Variants in NFAM1 observed in about 807,000 individuals in gnomAD.
The protein encoded by NFAM1 is NFAT activating protein with ITAM motif 1, also known as NFAT activation molecule 1.
Under a neutral mutation model 29.0 loss-of-function variants are expected in NFAM1, and 17 were observed. That is an observed-to-expected ratio of 0.59 (90% CI 0.40 to 0.88). The LOEUF (loss-of-function observed/expected upper bound fraction) is 0.88. Among genes scored for constraint, NFAM1 ranks in the 40% least tolerant of loss-of-function variants. The pLI, the probability that NFAM1 is intolerant of heterozygous loss-of-function variation, is 0.00. For missense variants in NFAM1, 324 were observed against 344.6 expected (o/e 0.94, Z 0.47); for synonymous variants, 175 against 147.2 (o/e 1.19, Z -1.36).
chr22:42,420,021 T>G (rs1434500715), intron 1 of NFAM1, among the ~76,000 whole-genome samples: 9 of 100,302 alleles, frequency 9.0e-5, no homozygotes, highest in Admixed American at 4.6e-4. Context: ...TTTTTTTTTT[T>G]TTTTTCTGAG....
At chr22:42,433,968 G>C (rs903677418), upstream of NFAM1, among the ~76,000 whole-genome samples, 2 of 152,016 alleles carry the variant, frequency 1.3e-5, no homozygotes, top group African/African-American at 4.8e-5. Flanking sequence ...ATTACGACTT[G>C]GCACTGGGAG....
At chr22:42,390,150 C>T (rs1929285275) in intron 4 of NFAM1, among the ~76,000 whole-genome samples, 1 of 152,004 alleles carries the variant, frequency 6.6e-6, no homozygotes, top group African/African-American at 2.4e-5. Flanking sequence ...ACAGAGCCGC[C>T]GGGTGGGTGG....
At chr22:42,411,342 G>C in intron 2 of NFAM1, 65 bp downstream of exon 2, 5 of 1,295,472 alleles carry the variant, frequency 3.9e-6, no homozygotes, top group Non-Finnish European at 5.4e-6. Context: ...CCGATCCAAA[G>C]TCCCAAACTG....
upstream of NFAM1, chr22:42,436,911 C>T (rs529623816): frequency 4.6e-5 from 28 of 611,288 alleles, no homozygotes; most frequent in Non-Finnish European, 5.3e-5. Context: ...AGATATTATA[C>T]GCCTCAGCTG....
At position 42,429,707 on chromosome 22, in the gene NFAM1, G is replaced by A. The variant is rs766392440; in HGVS notation, c.121+2530C>T. On this transcript the variant is annotated intron_variant, in intron 1 of 5. Transcript: ENST00000329021. Reference sequence around the variant, plus strand: ...CATCCTCTCGCAAGTTCAGGGATACGATGCAGAATCAGGGACGCTGGCCTT... The same window carrying A: ...CATCCTCTCGCAAGTTCAGGGATACAATGCAGAATCAGGGACGCTGGCCTT... Among the ~76,000 whole-genome samples, 5 of 152,240 alleles carry A rather than the reference G, an allele frequency of 3.3e-5. No homozygotes were observed. The South Asian group carries it at 1.0e-3, about 32-fold the overall frequency.
chr22:42,420,025 T>TTTTTTTTTTTTTC (rs1930393724), intron 1 of NFAM1, among the ~76,000 whole-genome samples: 1 of 101,000 alleles, frequency 9.9e-6, no homozygotes, highest in Non-Finnish European at 1.9e-5. Flanking sequence ...TTTTTTTTTT[T>TTTTTTTTTTTTTC]TCTGAGGCAG....
chr22:42,407,361 C>T (rs944957396), intron 3 of NFAM1, among the ~76,000 whole-genome samples: 6 of 152,138 alleles, frequency 3.9e-5, no homozygotes, highest in Admixed American at 3.3e-4. Context: ...GGATTACAAG[C>T]ATAAGCCACC....
At chr22:42,431,952 C>G (rs1410425233) in intron 1 of NFAM1, among the ~76,000 whole-genome samples, 1 of 152,356 alleles carries the variant, frequency 6.6e-6, no homozygotes, top group East Asian at 1.9e-4. Context: ...ACAGCGCCCA[C>G]CCTCCTTGTT....
rs1343837225 is a variant in NFAM1 at position 42,380,443 on chromosome 22, A to T, written c.*4718T>A. 1 of 152,318 alleles carries T rather than the reference A, an allele frequency of 6.6e-6. No homozygotes were observed. Among genetic ancestry groups the T allele is most frequent in the Non-Finnish European group, 1.5e-5 (1 of 68,062 alleles). 9.4% of individuals were successfully genotyped at this position (152,318 alleles called of 1,614,324 possible). ...TGTAGTTTTAATGTTTCACTGTAAC[A>T]TATGCTTCTGTCACCCACATATGTC... On this transcript the variant is annotated 3_prime_UTR_variant, in exon 6 of 6. Coordinates refer to ENST00000329021, the MANE Select transcript of NFAM1 (RefSeq NM_145912.8).
At chr22:42,421,073 C>A (rs1383648135) in intron 1 of NFAM1, among the ~76,000 whole-genome samples, 3 of 152,120 alleles carry the variant, frequency 2.0e-5, no homozygotes, top group African/African-American at 7.2e-5. Context: ...CTGCAGAGGG[C>A]CAGATGGCAT....
At chr22:42,433,206 T>A (rs888967966), upstream of NFAM1, among the ~76,000 whole-genome samples, 11 of 152,150 alleles carry the variant, frequency 7.2e-5, no homozygotes, top group African/African-American at 2.7e-4. Context: ...CCCACACATC[T>A]GCCTGCGTGT....
intron 4 of NFAM1, among the ~76,000 whole-genome samples, chr22:42,396,368 C>T (rs6002722): frequency 0.17 from 25,386 of 151,886 alleles, 2,274 homozygotes; most frequent in African/African-American, 0.21. Flanking sequence ...TGTGTGAGTG[C>T]GTATGGGTTT....
chr22:42,397,604 C>T (rs1392418472), intron 4 of NFAM1, among the ~76,000 whole-genome samples: 1 of 152,276 alleles, frequency 6.6e-6, no homozygotes, highest in East Asian at 1.9e-4. Context: ...AGGATCCATG[C>T]CAAGGAGGGG....
chr22:42,394,554 C>T (rs1221476284), intron 4 of NFAM1, among the ~76,000 whole-genome samples: 1 of 152,100 alleles, frequency 6.6e-6, no homozygotes, highest in Non-Finnish European at 1.5e-5. Context: ...AAATTTTAAA[C>T]TGAAAGATAA....
chr22:42,387,419 G>T (rs1048469965), intron 4 of NFAM1, among the ~76,000 whole-genome samples: 7 of 152,006 alleles, frequency 4.6e-5, no homozygotes, highest in Non-Finnish European at 1.5e-5. Flanking sequence ...CTGTCCCTAG[G>T]CTCTTAAGGG....
Position 42,385,063 on chromosome 22 carries a change from C to A in NFAM1, c.*98G>T. The A allele has an allele frequency of 1.1e-6, 1 of 883,126 alleles. No homozygotes were observed. The highest frequency in any genetic ancestry group is 1.3e-5 in the South Asian group (1 of 76,102). The allele number at this position is 883,126 out of a possible 1,614,324, so 54.7% of individuals were successfully genotyped here. ...GTGAGGGTGAAATGATGGGGTGTCC[C>A]TGGGGGCCTTACTCCCAACTCAGAT... On this transcript the variant is annotated 3_prime_UTR_variant, in exon 6 of 6. Coordinates refer to ENST00000329021, the MANE Select transcript of NFAM1 (RefSeq NM_145912.8).
chr22:42,418,463 A>G (rs1043530694), intron 1 of NFAM1, among the ~76,000 whole-genome samples: 2 of 152,260 alleles, frequency 1.3e-5, no homozygotes, highest in South Asian at 4.1e-4. Flanking sequence ...AGGCCGAGGC[A>G]GGCAGATCAC....
chr22:42,402,702 C>T (rs182323704), intron 3 of NFAM1, among the ~76,000 whole-genome samples: 1 of 152,248 alleles, frequency 6.6e-6, no homozygotes, highest in East Asian at 1.9e-4. Flanking sequence ...CACTTTGACC[C>T]CTCAAGTCAG....
rs541053751 is a variant in NFAM1 at position 42,428,257 on chromosome 22, C to A, written c.121+3980G>T. ...CACCTCCCGCTCTGTCCCCACTCCG[C>A]GGGCAGCCTTTCCAGCACTCCCCTG... On this transcript the variant is annotated intron_variant, in intron 1 of 5. Transcript: ENST00000329021. Among the ~76,000 whole-genome samples the A allele has an allele frequency of 6.1e-4, 93 of 152,230 alleles. 2 individuals carry two copies. Among genetic ancestry groups the A allele is most frequent in the African/African-American group, 2.0e-3 (84 of 41,542 alleles).
Sources: gnomAD v4.1 joint callset for allele counts (sites outside exome capture counted in the v4.1 genomes callset) on GRCh38, gnomAD v4.1.1 for gene constraint, MANE v1.5 for transcripts, NCBI Gene and HGNC (gene_info 2026-07-23, HGNC 2026-07-21) for gene names.